SLIT1: variants seen among roughly 807,000 people sequenced by gnomAD.
SLIT1 encodes the protein slit homolog 1 protein.
SLIT1 carries 66 observed loss-of-function variants against 186.1 expected under a neutral mutation model. That is an observed-to-expected ratio of 0.35 (90% CI 0.29 to 0.44). SLIT1 has a LOEUF of 0.44. SLIT1 is among the 20% of genes least tolerant of loss of function. The pLI, the probability that SLIT1 is intolerant of heterozygous loss-of-function variation, is 1.00. For synonymous variants in SLIT1, 761 were observed against 833.8 expected (o/e 0.91, Z 1.50); for missense variants, 1,638 against 2,037.4 (o/e 0.80, Z 3.77).
chr10:97,119,913 G>GTGTATATATATA lies in SLIT1; in HGVS notation c.413+37904_413+37905insTATATATATACA, dbSNP rs1241836707. On this transcript the variant is annotated intron_variant, in intron 4 of 36. Coordinates refer to ENST00000266058, the MANE Select transcript of SLIT1 (RefSeq NM_003061.3). Reference sequence around the variant, plus strand: ...AAATACATATTTTTTTTCCAAAGGGGTATATATATATATATATATATATAT... The same window carrying GTGTATATATATA: ...AAATACATATTTTTTTTCCAAAGGGGTGTATATATATATATATATATATATATATATATATAT... Among the ~76,000 whole-genome samples the GTGTATATATATA allele has an allele frequency of 4.5e-3, 255 of 56,516 alleles. 5 individuals carry two copies. Among genetic ancestry groups the GTGTATATATATA allele is most frequent in the Non-Finnish European group, 5.7e-3 (154 of 26,962 alleles). The allele number at this position is 56,516 out of a possible 152,430, so 37.1% of individuals were successfully genotyped here. A position where few individuals can be genotyped will look rare whatever the true frequency, so the allele number is the denominator to read the frequency against.
chr10:97,180,381 G>A (rs1414626274), intron 1 of SLIT1, among the ~76,000 whole-genome samples: 3 of 152,202 alleles, frequency 2.0e-5, no homozygotes, highest in Non-Finnish European at 4.4e-5. Context: ...AAGGAAATGG[G>A]GGTTCTGAGA....
intron 4 of SLIT1, among the ~76,000 whole-genome samples, chr10:97,087,904 AG>A (rs1325134112): frequency 3.3e-5 from 5 of 152,060 alleles, no homozygotes; most frequent in Non-Finnish European, 7.4e-5. Flanking sequence ...TGCTACCCAA[AG>A]TTTGCTAAGA....
chr10:97,071,419 G>A (rs945100436), intron 4 of SLIT1, among the ~76,000 whole-genome samples: 13 of 152,168 alleles, frequency 8.5e-5, no homozygotes, highest in East Asian at 1.9e-4. Flanking sequence ...ACGCTGGGCC[G>A]GCACTCACAT....
At chr10:97,151,029 A>G (rs1849871748) in intron 4 of SLIT1, among the ~76,000 whole-genome samples, 1 of 150,950 alleles carries the variant, frequency 6.6e-6, no homozygotes, top group African/African-American at 2.4e-5. Flanking sequence ...AGGTCCAGCC[A>G]GTGCAGCACC....
chr10:97,028,214 A>C (rs1429447240), intron 25 of SLIT1, among the ~76,000 whole-genome samples: 1 of 152,164 alleles, frequency 6.6e-6, no homozygotes, highest in Non-Finnish European at 1.5e-5. Flanking sequence ...AACAATAAAC[A>C]ACACTGTCCC....
rs1308356611 is a variant in SLIT1, at chr10:97,083,879, AAG to A, written c.414-17795_414-17794del. ...TGCTTCCTTGAGGTCTCCGAGAATG[AAG>A]AGTGTGGTGGGAGCAGCTTGGAGGG... On this transcript the variant is annotated intron_variant, in intron 4 of 36. Transcript: ENST00000266058. Among the ~76,000 whole-genome samples, 13 of 152,160 alleles carry A rather than the reference AAG, an allele frequency of 8.5e-5. No homozygotes were observed. In the East Asian group the frequency reaches 1.7e-3, roughly 20 times the overall value.
At chr10:97,127,265 G>A (rs968444422) in intron 4 of SLIT1, among the ~76,000 whole-genome samples, 2 of 150,694 alleles carry the variant, frequency 1.3e-5, no homozygotes, top group East Asian at 3.9e-4. Flanking sequence ...CAGCCTGGGC[G>A]ACAGAGCGAG....
chr10:97,075,074 T>C (rs1443000186), intron 4 of SLIT1, among the ~76,000 whole-genome samples: 1 of 152,194 alleles, frequency 6.6e-6, no homozygotes, highest in Non-Finnish European at 1.5e-5. Context: ...GCACAGGCCT[T>C]ACTTTGTCTG....
At chr10:97,136,451 A>T (rs554489441) in intron 4 of SLIT1, among the ~76,000 whole-genome samples, 2 of 152,334 alleles carry the variant, frequency 1.3e-5, no homozygotes, top group Admixed American at 1.3e-4. Flanking sequence ...ATATGCTATT[A>T]TAATTTTGTA....
chr10:97,185,679 C>A lies in SLIT1; in HGVS notation c.-5G>T. ...CCACCCGGGAGTCAGCGCCATGGTG[C>A]CCTCACAGCGTCCCGCTCGCGAGCC... On this transcript the variant is annotated 5_prime_UTR_variant, in exon 1 of 37. Transcript: ENST00000266058. 9 of 1,509,384 alleles carry A rather than the reference C, an allele frequency of 6.0e-6. No homozygotes were observed. The highest frequency in any genetic ancestry group is 7.9e-6 in the Non-Finnish European group (9 of 1,135,474). The allele number at this position is 1,509,384 out of a possible 1,614,324, so 93.5% of individuals were successfully genotyped here.
intron 4 of SLIT1, among the ~76,000 whole-genome samples, chr10:97,097,708 G>A (rs187728277): frequency 2.6e-5 from 4 of 152,288 alleles, no homozygotes; most frequent in African/African-American, 7.2e-5. Flanking sequence ...CTGATCATTC[G>A]TTCAGTTTGC....
chr10:97,064,368 G>T (rs1453483993), intron 6 of SLIT1, 129 bp from the exon 7 acceptor site: 8 of 765,606 alleles, frequency 1.0e-5, no homozygotes, highest in Admixed American at 4.1e-5. Flanking sequence ...ACATGGAGGA[G>T]CTAAGCCGAA....
intron 4 of SLIT1, among the ~76,000 whole-genome samples, chr10:97,093,137 G>A (rs911080350): frequency 3.3e-5 from 5 of 152,216 alleles, no homozygotes; most frequent in South Asian, 2.1e-4. Flanking sequence ...GTAAGGTGGT[G>A]TGAGAAGAGG....
At chr10:97,082,824 G>A (rs1186708846) in intron 4 of SLIT1, among the ~76,000 whole-genome samples, 1 of 152,166 alleles carries the variant, frequency 6.6e-6, no homozygotes, top group Non-Finnish European at 1.5e-5. Flanking sequence ...GTGTGGGAGG[G>A]GGCAGGGAGT....
chr10:97,162,991 G>A (rs528450823), intron 3 of SLIT1, among the ~76,000 whole-genome samples: 127 of 152,326 alleles, frequency 8.3e-4, no homozygotes, highest in Non-Finnish European at 1.2e-3. Flanking sequence ...ATCCCCCGGG[G>A]CTTCCCTGAC....
rs1850378719 is a variant in SLIT1, at chr10:97,184,054, ACAC to A, written c.197+1421_197+1423del. On this transcript the variant is annotated intron_variant, in intron 1 of 36. Coordinates refer to ENST00000266058, the MANE Select transcript of SLIT1 (RefSeq NM_003061.3). The surrounding 1 kb of genome is among the most constrained non-coding windows in gnomAD (Gnocchi z 4.4). ...CACACACACACACACACACACACACACACACTTCCCATCTAGATTGCATCTAGA... is the reference window on the plus strand; with the variant it reads ...CACACACACACACACACACACACACAACTTCCCATCTAGATTGCATCTAGA... Among the ~76,000 whole-genome samples the A allele has an allele frequency of 2.2e-5, 3 of 135,338 alleles. No homozygotes were observed. The highest frequency in any genetic ancestry group is 7.5e-5 in the Admixed American group (1 of 13,306). The allele number at this position is 135,338 out of a possible 152,430, so 88.8% of individuals were successfully genotyped here. A position where few individuals can be genotyped will look rare whatever the true frequency, so the allele number is the denominator to read the frequency against.
intron 20 of SLIT1, 57 bp downstream of exon 20, chr10:97,042,844 C>T: frequency 1.3e-6 from 2 of 1,572,426 alleles, no homozygotes; most frequent in East Asian, 4.5e-5. Flanking sequence ...ACCTGCCCCA[C>T]CCCACTGGTT....
intron 28 of SLIT1, among the ~76,000 whole-genome samples, chr10:97,017,912 G>C (rs1848467944): frequency 1.3e-5 from 2 of 149,116 alleles, no homozygotes; most frequent in African/African-American, 4.9e-5. Context: ...GCAGTGGAAT[G>C]ATCTTGGCTC....
At chr10:97,157,422 T>C (rs559351825) in intron 4 of SLIT1, 6 of 200,450 alleles carry the variant, frequency 3.0e-5, no homozygotes, top group Non-Finnish European at 6.0e-5. Context: ...AGAAATAGGT[T>C]CAAGAAGGGC....
Sources: gnomAD v4.1 joint callset for allele counts (sites outside exome capture counted in the v4.1 genomes callset) on GRCh38, gnomAD v4.1.1 for gene constraint, Gnocchi (gnomAD v3.1) non-coding constraint, MANE v1.5 for transcripts, NCBI Gene and HGNC (gene_info 2026-07-23, HGNC 2026-07-21) for gene names.